The following MEMO1 variants were observed in gnomAD, a reference collection of about 807,000 sequenced individuals.
MEMO1 encodes protein MEMO1.
A neutral mutation model predicts 45.2 loss-of-function variants in MEMO1; 6 were observed. The ratio of observed to expected loss-of-function variants is 0.13; its 90% CI spans 0.07 to 0.26. The LOEUF (loss-of-function observed/expected upper bound fraction) is 0.26. Among genes scored for constraint, MEMO1 ranks in the 10% least tolerant of loss-of-function variants. The probability of loss-of-function intolerance (pLI) is 1.00; values close to 1 mark genes in which losing one functional copy is unlikely to be tolerated. For missense variants in MEMO1, 184 were observed against 370.5 expected (o/e 0.50, Z 4.13); for synonymous variants, 78 against 124.3 (o/e 0.63, Z 2.48).
chr2:31,892,245 A>G, intron 6 of MEMO1, 111 bp from the exon 7 acceptor site: 2 of 874,860 alleles, frequency 2.3e-6, no homozygotes, highest in East Asian at 2.5e-5. Context: ...TAAGGATAAC[A>G]TATGTAATTA....
intron 6 of MEMO1, among the ~76,000 whole-genome samples, chr2:31,899,712 C>G (rs936270495): frequency 2.0e-5 from 3 of 152,162 alleles, no homozygotes; most frequent in Non-Finnish European, 4.4e-5. Context: ...AGAGCTTCTT[C>G]ACGGCAAAAG....
intron 6 of MEMO1, among the ~76,000 whole-genome samples, chr2:31,908,873 C>T (rs1301000336): frequency 6.6e-6 from 1 of 152,202 alleles, no homozygotes; most frequent in Non-Finnish European, 1.5e-5. Context: ...GCCTTCTTGT[C>T]TGACCTAAAG....
chr2:31,996,125 T>A (rs1271221156), intron 2 of MEMO1, among the ~76,000 whole-genome samples: 2 of 150,762 alleles, frequency 1.3e-5, no homozygotes, highest in Non-Finnish European at 2.9e-5. Flanking sequence ...CCAGGCATGG[T>A]GGCTCATGCC....
At chr2:31,889,523 G>A (rs780447237) in intron 7 of MEMO1, among the ~76,000 whole-genome samples, 4 of 152,070 alleles carry the variant, frequency 2.6e-5, no homozygotes, top group East Asian at 3.9e-4. Flanking sequence ...GATACCCATC[G>A]CCACTACAAT....
At chr2:31,907,700 G>A (rs1450935658) in intron 6 of MEMO1, among the ~76,000 whole-genome samples, 1 of 151,866 alleles carries the variant, frequency 6.6e-6, no homozygotes, top group Non-Finnish European at 1.5e-5. Flanking sequence ...CGCTGAGGTA[G>A]GAAGATCACT....
At position 31,885,539 on chromosome 2, in the gene MEMO1, CAA is replaced by C. The variant is rs1472001368; in HGVS notation, c.581-2079_581-2078del. Among the ~76,000 whole-genome samples, 5 of 152,296 alleles carry C rather than the reference CAA, an allele frequency of 3.3e-5. No individual in the cohort carries two copies. The East Asian group carries it at 9.6e-4, about 29-fold the overall frequency. ...TGATACTAAATTTTTACTTCTATTT[CAA>C]AGTTATTTTGACAAAGCTGTCCAAA... On this transcript the variant is annotated intron_variant, in intron 7 of 9. Coordinates refer to ENST00000404530, the MANE Select transcript of MEMO1 (RefSeq NM_001301833.4).
chr2:31,927,318 CA>C (rs1238212610), intron 4 of MEMO1, among the ~76,000 whole-genome samples: 2 of 151,922 alleles, frequency 1.3e-5, no homozygotes, highest in African/African-American at 4.8e-5. Context: ...GACTTTGTCT[CA>C]AAAAAATAAG....
chr2:31,970,213 C>T (rs758080616), intron 2 of MEMO1, among the ~76,000 whole-genome samples: 2 of 151,790 alleles, frequency 1.3e-5, no homozygotes, highest in African/African-American at 4.8e-5. Context: ...TCAAGCAATC[C>T]GCCACCTCGG....
chr2:31,905,970 T>C (rs1020582859), intron 6 of MEMO1, among the ~76,000 whole-genome samples: 4 of 152,096 alleles, frequency 2.6e-5, no homozygotes, highest in Admixed American at 2.6e-4. Context: ...ATTCTTTTTT[T>C]CTTTATTTTT....
At chr2:31,988,621 CAGTAGT>C (rs1371808833) in intron 2 of MEMO1, among the ~76,000 whole-genome samples, 1 of 152,182 alleles carries the variant, frequency 6.6e-6, no homozygotes, top group Non-Finnish European at 1.5e-5. Flanking sequence ...CACCGAACTA[CAGTAGT>C]AGTCACTACA....
At chr2:31,975,632 T>A (rs1337390847) in intron 2 of MEMO1, among the ~76,000 whole-genome samples, 1 of 152,076 alleles carries the variant, frequency 6.6e-6, no homozygotes, top group Admixed American at 6.6e-5. Flanking sequence ...AAGAAAGGAG[T>A]CTAAACTCTG....
intron 2 of MEMO1, among the ~76,000 whole-genome samples, chr2:31,997,625 G>A (rs543796591): frequency 8.0e-4 from 122 of 152,184 alleles, no homozygotes; most frequent in African/African-American, 2.9e-3. Context: ...TCCTAAAGCA[G>A]GAATAAGCTT....
intron 3 of MEMO1, among the ~76,000 whole-genome samples, chr2:31,941,238 T>G (rs988327300): frequency 3.3e-5 from 5 of 152,178 alleles, no homozygotes; most frequent in African/African-American, 1.2e-4. Context: ...TTGCTTCTCC[T>G]CAAACACACT....
chr2:31,926,376 G>GAAAAAA (rs35245442), intron 4 of MEMO1, among the ~76,000 whole-genome samples: 1 of 120,216 alleles, frequency 8.3e-6, no homozygotes, highest in Non-Finnish European at 1.7e-5. Flanking sequence ...TCTCAAAAGG[G>GAAAAAA]AAAAAAAAAA....
In MEMO1 at chr2:31,991,716, A is replaced by G. The variant is rs905527317; in HGVS notation, c.61+18471T>C. Among the ~76,000 whole-genome samples the G allele has an allele frequency of 2.6e-5, 4 of 152,218 alleles. No homozygotes were observed. The East Asian group carries it at 7.7e-4, about 29-fold the overall frequency. ...CCAATTTCTAAGTTGCTCTGATCTCAGAAAAACAAAAAATCTTACTCTTTT... is the reference window on the plus strand; with the variant it reads ...CCAATTTCTAAGTTGCTCTGATCTCGGAAAAACAAAAAATCTTACTCTTTT... On this transcript the variant is annotated intron_variant, in intron 2 of 9. Transcript: ENST00000404530.
chr2:31,932,048 A>G lies in MEMO1; in HGVS notation c.212+19T>C, dbSNP rs534879746. The G allele has an allele frequency of 8.3e-5, 134 of 1,606,306 alleles. 1 individual carries two copies. The South Asian group carries it at 1.4e-3, about 16-fold the overall frequency. On this transcript the variant is annotated intron_variant, in intron 4 of 9. Transcript: ENST00000404530. ...AATTCTCAAGCTTCTCCGACTTAAAACAAAACTACATTACTTACGTAATAG... is the reference window on the plus strand; with the variant it reads ...AATTCTCAAGCTTCTCCGACTTAAAGCAAAACTACATTACTTACGTAATAG...
chr2:32,008,094 A>T (rs1486987041), intron 2 of MEMO1, among the ~76,000 whole-genome samples: 1 of 152,218 alleles, frequency 6.6e-6, no homozygotes, highest in South Asian at 2.1e-4. Context: ...TCTTTAGTTC[A>T]CTGTTGATAA....
chr2:31,885,760 G>A (rs1281265811), intron 7 of MEMO1, among the ~76,000 whole-genome samples: 1 of 152,134 alleles, frequency 6.6e-6, no homozygotes, highest in East Asian at 1.9e-4. Flanking sequence ...CTATCAGTAA[G>A]CCCTGAAACT....
At chr2:31,906,272 G>A (rs1399878964) in intron 6 of MEMO1, among the ~76,000 whole-genome samples, 1 of 151,636 alleles carries the variant, frequency 6.6e-6, no homozygotes, top group African/African-American at 2.4e-5. Context: ...ACCCGGCCAA[G>A]GAGTGCTATT....
Sources: allele counts gnomAD v4.1 joint callset (sites outside exome capture counted in the v4.1 genomes callset), GRCh38; gene constraint gnomAD v4.1.1; transcripts MANE v1.5; gene names NCBI Gene and HGNC (gene_info 2026-07-23, HGNC 2026-07-21).